The following HMBOX1 variants were observed in gnomAD, a reference collection of about 807,000 sequenced individuals.
HMBOX1 encodes homeobox-containing protein 1.
HMBOX1 carries 14 observed loss-of-function variants against 54.5 expected under a neutral mutation model. The ratio of observed to expected loss-of-function variants is 0.26; its 90% CI spans 0.17 to 0.40. HMBOX1 has a LOEUF of 0.40. HMBOX1 is among the 10% of genes least tolerant of loss of function. The pLI, the probability that HMBOX1 is intolerant of heterozygous loss-of-function variation, is 1.00. For synonymous variants in HMBOX1, 160 were observed against 181.0 expected (o/e 0.88, Z 0.93); for missense variants, 332 against 514.4 (o/e 0.65, Z 3.43).
intron 4 of HMBOX1, among the ~76,000 whole-genome samples, chr8:28,981,747 T>G (rs1181537163): frequency 1.3e-5 from 2 of 152,136 alleles, no homozygotes; most frequent in African/African-American, 4.8e-5. Context: ...CATAGTAACA[T>G]ATGTTTAAAA....
intron 1 of HMBOX1, among the ~76,000 whole-genome samples, chr8:28,895,696 ATGTAT>A (rs1811974261): frequency 6.6e-6 from 1 of 151,958 alleles, no homozygotes; most frequent in African/African-American, 2.4e-5. Context: ...AATTTTGATA[ATGTAT>A]TGTATTGTTA....
At chr8:28,987,978 T>G (rs1488817939) in intron 4 of HMBOX1, among the ~76,000 whole-genome samples, 2 of 152,226 alleles carry the variant, frequency 1.3e-5, no homozygotes, top group Non-Finnish European at 2.9e-5. Flanking sequence ...AGTATAGGTT[T>G]CTGAGTTGTA....
At chr8:28,992,586 G>A (rs1831141006) in intron 4 of HMBOX1, among the ~76,000 whole-genome samples, 1 of 151,952 alleles carries the variant, frequency 6.6e-6, no homozygotes. Flanking sequence ...AGTATACAAT[G>A]CTGGCTGGGC....
chr8:28,983,521 A>G (rs1829727933), intron 4 of HMBOX1, among the ~76,000 whole-genome samples: 1 of 152,176 alleles, frequency 6.6e-6, no homozygotes, highest in African/African-American at 2.4e-5. Flanking sequence ...TCTGAAATTA[A>G]TTACACTTAG....
At chr8:28,938,205 A>C (rs1820725064) in intron 1 of HMBOX1, among the ~76,000 whole-genome samples, 1 of 152,248 alleles carries the variant, frequency 6.6e-6, no homozygotes, top group Admixed American at 6.5e-5. Flanking sequence ...ACTTTGCACA[A>C]GTAAACCTAC....
intron 6 of HMBOX1, among the ~76,000 whole-genome samples, chr8:29,025,081 T>G (rs1005447711): frequency 6.6e-6 from 1 of 152,114 alleles, no homozygotes; most frequent in Admixed American, 6.6e-5. Context: ...TAGGAAGCTA[T>G]TAGAGTAACC....
intron 3 of HMBOX1, among the ~76,000 whole-genome samples, chr8:28,973,082 C>T (rs970826406): frequency 6.6e-6 from 1 of 152,140 alleles, no homozygotes; most frequent in Non-Finnish European, 1.5e-5. Context: ...TGCACCCTCA[C>T]CCACTGCTGC....
At chr8:28,944,341 A>T (rs1195341411) in intron 1 of HMBOX1, among the ~76,000 whole-genome samples, 1 of 152,212 alleles carries the variant, frequency 6.6e-6, no homozygotes, top group African/African-American at 2.4e-5. Context: ...GACATTTGTT[A>T]TGTTCTCTTC....
chr8:28,990,837 A>G (rs1399911800), intron 4 of HMBOX1, among the ~76,000 whole-genome samples: 1 of 152,092 alleles, frequency 6.6e-6, no homozygotes, highest in East Asian at 1.9e-4. Context: ...TATTTTTAGT[A>G]GAGGCAGGGA....
At chr8:28,935,513 C>T (rs1820250940) in intron 1 of HMBOX1, among the ~76,000 whole-genome samples, 1 of 152,120 alleles carries the variant, frequency 6.6e-6, no homozygotes, top group Non-Finnish European at 1.5e-5. Context: ...CATTTCTTGA[C>T]TCTTATTTCA....
At chr8:29,032,337 G>T (rs1043486428) in intron 6 of HMBOX1, among the ~76,000 whole-genome samples, 11 of 151,742 alleles carry the variant, frequency 7.2e-5, no homozygotes, top group Non-Finnish European at 8.8e-5. Context: ...TTAAAAAATT[G>T]AAACTGTTTT....
intron 4 of HMBOX1, among the ~76,000 whole-genome samples, chr8:29,006,516 T>A (rs1185672828): frequency 6.6e-6 from 1 of 152,216 alleles, no homozygotes; most frequent in East Asian, 1.9e-4. Flanking sequence ...ATTTTATCCT[T>A]CCATCAGCAG....
intron 1 of HMBOX1, among the ~76,000 whole-genome samples, chr8:28,932,251 T>C (rs888571922): frequency 1.3e-5 from 2 of 152,220 alleles, no homozygotes; most frequent in Non-Finnish European, 2.9e-5. Context: ...CCAAATCTTA[T>C]AAGGCAGTAT....
At chr8:28,943,165 C>A (rs1423164748) in intron 1 of HMBOX1, among the ~76,000 whole-genome samples, 1 of 152,138 alleles carries the variant, frequency 6.6e-6, no homozygotes, top group Non-Finnish European at 1.5e-5. Flanking sequence ...CTTCTGTGTC[C>A]GTTTAGGGTC....
intron 6 of HMBOX1, among the ~76,000 whole-genome samples, chr8:29,029,850 G>A (rs1329331018): frequency 6.6e-6 from 1 of 152,140 alleles, no homozygotes; most frequent in African/African-American, 2.4e-5. Flanking sequence ...CAGAGATGAG[G>A]AAGACAAAAG....
intron 1 of HMBOX1, among the ~76,000 whole-genome samples, chr8:28,909,802 TA>T (rs1265867934): frequency 1.3e-5 from 2 of 152,208 alleles, no homozygotes; most frequent in Non-Finnish European, 2.9e-5. Context: ...CAATGACTTC[TA>T]GTGAATTTTC....
intron 1 of HMBOX1, among the ~76,000 whole-genome samples, chr8:28,930,631 C>A (rs1270111537): frequency 1.3e-5 from 2 of 152,204 alleles, no homozygotes; most frequent in Non-Finnish European, 2.9e-5. Context: ...CCAGTCTAAT[C>A]AGTATCCTTA....
At chr8:28,905,333 G>A (rs1309527679) in intron 1 of HMBOX1, among the ~76,000 whole-genome samples, 3 of 151,922 alleles carry the variant, frequency 2.0e-5, no homozygotes, top group East Asian at 2.0e-4. Context: ...CCAGGCGCGC[G>A]TGCATGCGCA....
chr8:28,951,108 T>C (rs1206765352), intron 1 of HMBOX1, among the ~76,000 whole-genome samples: 1 of 152,194 alleles, frequency 6.6e-6, no homozygotes. Flanking sequence ...TCAGCAAATA[T>C]TTAGTGCCTG....
Sources: gnomAD v4.1 joint callset for allele counts (sites outside exome capture counted in the v4.1 genomes callset) on GRCh38, gnomAD v4.1.1 for gene constraint, MANE v1.5 for transcripts, NCBI Gene and HGNC (gene_info 2026-07-23, HGNC 2026-07-21) for gene names.